VAV2: variants seen among roughly 807,000 people sequenced by gnomAD.
VAV2 encodes the protein vav guanine nucleotide exchange factor 2, also known as guanine nucleotide exchange factor VAV2.
In VAV2, 67 loss-of-function variants were observed where a neutral mutation model predicts 132.5. The ratio of observed to expected loss-of-function variants is 0.51; its 90% CI spans 0.42 to 0.62. The LOEUF is 0.62. Among genes scored for constraint, VAV2 ranks in the 20% least tolerant of loss-of-function variants. VAV2 has a pLI of 0.00. For synonymous variants in VAV2, 492 were observed against 443.5 expected, an observed-to-expected ratio of 1.11 and a Z score of -1.37; for missense variants, 938 against 1,153.6, an observed-to-expected ratio of 0.81 and a Z score of 2.71.
chr9:133,921,143 G>C lies in VAV2; in HGVS notation c.321+17960C>G, dbSNP rs534959993. On this transcript the variant is annotated intron_variant, in intron 2 of 29. Coordinates refer to ENST00000371850, the MANE Select transcript of VAV2 (RefSeq NM_001134398.2). The stretch of plus-strand genomic sequence containing the variant: ...AGTCCTTGGAGGGGAGACGGCGGGG[G>C]ATACAGAGTCAGCCCACTTCCCTCC... Among the ~76,000 whole-genome samples, 4 of 152,336 alleles carry C rather than the reference G, an allele frequency of 2.6e-5. No individual in the cohort carries two copies. The South Asian group carries it at 8.3e-4, about 32-fold the overall frequency.
intron 19 of VAV2, among the ~76,000 whole-genome samples, chr9:133,781,866 C>T (rs1256981643): frequency 1.3e-5 from 2 of 152,212 alleles, no homozygotes; most frequent in Admixed American, 6.5e-5. Flanking sequence ...AGAATGCAGA[C>T]AGCAATGCTG....
intron 2 of VAV2, among the ~76,000 whole-genome samples, chr9:133,862,121 C>A (rs1053946035): frequency 2.6e-5 from 4 of 152,228 alleles, no homozygotes; most frequent in African/African-American, 9.6e-5. Flanking sequence ...AAGCAGTAGC[C>A]GCTCCTCCTC....
intron 2 of VAV2, among the ~76,000 whole-genome samples, chr9:133,869,188 G>C (rs1257544475): frequency 1.3e-5 from 2 of 152,038 alleles, no homozygotes; most frequent in Non-Finnish European, 2.9e-5. Context: ...GTAGAGATGG[G>C]GTTTCAGCAT....
chr9:133,911,766 C>T (rs963015385), intron 2 of VAV2, among the ~76,000 whole-genome samples: 1 of 152,234 alleles, frequency 6.6e-6, no homozygotes, highest in African/African-American at 2.4e-5. Context: ...ACAAGGTCCG[C>T]CTGGGCGGGG....
chr9:133,829,367 G>A (rs59124663), intron 4 of VAV2, among the ~76,000 whole-genome samples: 712 of 152,314 alleles, frequency 4.7e-3, no homozygotes, highest in African/African-American at 6.4e-3. Flanking sequence ...AGTGTTATAC[G>A]TGCCCACACA....
chr9:133,873,559 C>G (rs1276978781), intron 2 of VAV2, among the ~76,000 whole-genome samples: 1 of 152,194 alleles, frequency 6.6e-6, no homozygotes, highest in Non-Finnish European at 1.5e-5. Flanking sequence ...TGGGAAACGC[C>G]TGGACCAATA....
chr9:133,938,899 C>G (rs1457221572), intron 2 of VAV2, among the ~76,000 whole-genome samples: 1 of 152,208 alleles, frequency 6.6e-6, no homozygotes, highest in Non-Finnish European at 1.5e-5. Context: ...CCCGTTGTCC[C>G]AGCCCCGACA....
chr9:133,801,448 G>A (rs1298598156), intron 9 of VAV2, among the ~76,000 whole-genome samples: 2 of 152,214 alleles, frequency 1.3e-5, no homozygotes, highest in African/African-American at 2.4e-5. Context: ...TGGCCCTCAG[G>A]GCCCCAGGGT....
At chr9:133,776,274 T>G (rs1179820153) in intron 23 of VAV2, among the ~76,000 whole-genome samples, 194 bp from the exon 24 acceptor site, 1 of 152,104 alleles carries the variant, frequency 6.6e-6, no homozygotes, top group Non-Finnish European at 1.5e-5. Context: ...CATCTCTGAG[T>G]AGATGCCCCG....
intron 2 of VAV2, among the ~76,000 whole-genome samples, chr9:133,930,413 A>C (rs774248653): frequency 8.5e-5 from 3 of 35,434 alleles, no homozygotes; most frequent in African/African-American, 1.9e-4. Context: ...GGCTCCTAGC[A>C]TCCTCACTGT....
In VAV2 at chr9:133,802,483, G is replaced by C. The variant is rs1237036703; in HGVS notation, c.836+3598C>G. On this transcript the variant is annotated intron_variant, in intron 9 of 29. Coordinates refer to ENST00000371850, the MANE Select transcript of VAV2 (RefSeq NM_001134398.2). This position sits in a 1 kb window ranked among gnomAD's most constrained non-coding sequence, Gnocchi z 5.8. ...CGCAAATGATTTCTGTCCTGATAGAGGACATGGCCCCAAAGGTCTCAGTGT... is the reference window on the plus strand; with the variant it reads ...CGCAAATGATTTCTGTCCTGATAGACGACATGGCCCCAAAGGTCTCAGTGT... 6.6e-6 allele frequency among the ~76,000 whole-genome samples: 1 copy of C among 151,382 alleles called. No homozygotes were observed. The highest frequency in any genetic ancestry group is 2.1e-4 in the South Asian group (1 of 4,742).
rs1424333392 is a variant in VAV2, at chr9:133,788,089, C to T, written c.1407+265G>A. Among the ~76,000 whole-genome samples the T allele has an allele frequency of 6.6e-6, 1 of 152,250 alleles. No individual in the cohort carries two copies. Among genetic ancestry groups the T allele is most frequent in the Admixed American group, 6.5e-5 (1 of 15,286 alleles). On this transcript the variant is annotated intron_variant, in intron 15 of 29. Coordinates refer to ENST00000371850, the MANE Select transcript of VAV2 (RefSeq NM_001134398.2). The surrounding 1 kb of genome is among the most constrained non-coding windows in gnomAD (Gnocchi z 5.3). ...TCTCCCCTCTGCCTCAGTCGCCTCA[C>T]TGGGGAGTGGGATTCTGGTCTTGCC... is the stretch of plus-strand genomic sequence containing the variant.
At chr9:133,953,210 G>C (rs970828357) in intron 1 of VAV2, among the ~76,000 whole-genome samples, 1 of 152,252 alleles carries the variant, frequency 6.6e-6, no homozygotes, top group African/African-American at 2.4e-5. Context: ...GCGGCCTCCA[G>C]GGCTGCTGCT....
intron 7 of VAV2, among the ~76,000 whole-genome samples, chr9:133,807,906 C>A (rs1039548857): frequency 1.3e-5 from 2 of 152,224 alleles, no homozygotes; most frequent in African/African-American, 4.8e-5. Flanking sequence ...GAGGCCCGGC[C>A]ACCCTCTCCT....
chr9:133,958,655 TTGTATC>T (rs1044200699), intron 1 of VAV2, among the ~76,000 whole-genome samples: 8 of 151,690 alleles, frequency 5.3e-5, no homozygotes, highest in Non-Finnish European at 1.2e-4. Flanking sequence ...TCTCTATACT[TTGTATC>T]TGTGTCTTTT....
At chr9:133,868,872 T>G (rs913990555) in intron 2 of VAV2, among the ~76,000 whole-genome samples, 4 of 152,180 alleles carry the variant, frequency 2.6e-5, no homozygotes, top group African/African-American at 9.7e-5. Flanking sequence ...TGGATGCAGG[T>G]GTGCCTTACA....
intron 2 of VAV2, among the ~76,000 whole-genome samples, chr9:133,899,254 A>G (rs144946056): frequency 2.1e-4 from 31 of 150,706 alleles, no homozygotes; most frequent in African/African-American, 6.5e-4. Context: ...GAGGAGACCC[A>G]TGGGGAGCTG....
At chr9:133,938,039 T>G (rs654387) in intron 2 of VAV2, among the ~76,000 whole-genome samples, 55,936 of 152,178 alleles carry the variant, frequency 0.37, 11,410 homozygotes, top group Middle Eastern at 0.51. Flanking sequence ...CACGCTCCTC[T>G]CAGAACCGAC....
intron 4 of VAV2, among the ~76,000 whole-genome samples, chr9:133,830,185 C>T (rs7048856): frequency 6.6e-6 from 1 of 152,134 alleles, no homozygotes; most frequent in East Asian, 1.9e-4. Context: ...GGGCAGTCAG[C>T]GGAGTCCTTT....
Sources: allele counts gnomAD v4.1 joint callset (sites outside exome capture counted in the v4.1 genomes callset), GRCh38; gene constraint gnomAD v4.1.1; non-coding constraint Gnocchi (gnomAD v3.1); transcripts MANE v1.5; gene names NCBI Gene and HGNC (gene_info 2026-07-23, HGNC 2026-07-21).